SCD5: variants seen among roughly 807,000 people sequenced by gnomAD.
The protein encoded by SCD5 is stearoyl-CoA desaturase 5, also known as acyl-CoA-desaturase 4.
Under a neutral mutation model 30.4 loss-of-function variants are expected in SCD5, and 20 were observed. That is an observed-to-expected ratio of 0.66 (90% CI 0.46 to 0.96). The LOEUF is 0.96. Ranked by LOEUF, SCD5 falls within the 40% of genes least tolerant of loss-of-function variation. The pLI, the probability that SCD5 is intolerant of heterozygous loss-of-function variation, is 0.00. For synonymous variants in SCD5, 173 were observed against 176.4 expected (o/e 0.98, Z 0.16); for missense variants, 381 against 443.3 (o/e 0.86, Z 1.26).
intron 1 of SCD5, among the ~76,000 whole-genome samples, chr4:82,777,009 T>C (rs1390101495): frequency 6.6e-6 from 1 of 152,218 alleles, no homozygotes; most frequent in Non-Finnish European, 1.5e-5. Flanking sequence ...CTGAACTACA[T>C]GCTGCGCCCA....
At chr4:82,735,979 T>C (rs1001429883) in intron 1 of SCD5, among the ~76,000 whole-genome samples, 3 of 152,220 alleles carry the variant, frequency 2.0e-5, no homozygotes, top group Admixed American at 6.5e-5. Context: ...TATTTGTTTT[T>C]ATAACACACA....
intron 4 of SCD5, among the ~76,000 whole-genome samples, chr4:82,636,125 A>G: frequency 6.6e-6 from 1 of 152,164 alleles, no homozygotes; most frequent in Non-Finnish European, 1.5e-5. Context: ...CCCATTTCAC[A>G]GATAGGAAAA....
At chr4:82,794,192 C>G (rs1370833112) in intron 1 of SCD5, among the ~76,000 whole-genome samples, 1 of 152,192 alleles carries the variant, frequency 6.6e-6, no homozygotes, top group Non-Finnish European at 1.5e-5. Flanking sequence ...CCCAGCAGGG[C>G]ACCAGAGAAC....
At position 82,798,377 on chromosome 4, in the gene SCD5, C is replaced by T; in HGVS notation, c.161G>A (p.Ser54Asn). 6.2e-7 allele frequency: 1 copy of T among 1,613,440 alleles called. No homozygotes were observed. Among genetic ancestry groups the T allele is most frequent in the East Asian group, 2.2e-5 (1 of 44,832 alleles). ...NIVWRNVVLM[S>N]LLHLGAVYSL... ...GTACACGGCCCCCAAGTGGAGCAAGCTCATCAGGACGACATTCCTCCAGAC... is the reference window on the plus strand; with the variant it reads ...GTACACGGCCCCCAAGTGGAGCAAGTTCATCAGGACGACATTCCTCCAGAC... Residue 54 changes from serine (S) to asparagine (N), a missense_variant, in exon 1 of 5, where the codon AGC becomes AAC. Transcript: ENST00000319540.
chr4:82,710,612 G>GAA lies in SCD5; in HGVS notation c.233-5200_233-5199insTT, dbSNP rs1720062517. On this transcript the variant is annotated intron_variant, in intron 1 of 4. Transcript: ENST00000319540. ...CAGAGGGTGAAGGCTTCTTGGGAGAGGGTGACCCCTGGGTTGAGGAGGGGG... is the reference window on the plus strand; with the variant it reads ...CAGAGGGTGAAGGCTTCTTGGGAGAGAAGGTGACCCCTGGGTTGAGGAGGGGG... Among the ~76,000 whole-genome samples the GAA allele has an allele frequency of 6.6e-5, 10 of 152,286 alleles. No individual in the cohort carries two copies. The South Asian group carries it at 1.9e-3, about 28-fold the overall frequency.
At chr4:82,635,372 C>T (rs1727402256) in intron 4 of SCD5, among the ~76,000 whole-genome samples, 1 of 152,126 alleles carries the variant, frequency 6.6e-6, no homozygotes, top group South Asian at 2.1e-4. Flanking sequence ...GTAATCCCAG[C>T]ACTTTGGGAG....
At chr4:82,746,972 G>A (rs563413174) in intron 1 of SCD5, among the ~76,000 whole-genome samples, 3 of 147,048 alleles carry the variant, frequency 2.0e-5, no homozygotes, top group African/African-American at 5.0e-5. Flanking sequence ...GGGAGAGGAG[G>A]AACGGGGAAC....
At chr4:82,796,980 G>C (rs780840162) in intron 1 of SCD5, among the ~76,000 whole-genome samples, 7 of 152,032 alleles carry the variant, frequency 4.6e-5, no homozygotes, top group African/African-American at 9.7e-5. Context: ...AAGGCTTTAG[G>C]GATCCCCAAA....
chr4:82,636,895 GAA>G, intron 3 of SCD5, 72 bp from the exon 4 acceptor site: 1 of 1,299,106 alleles, frequency 7.7e-7, no homozygotes, highest in Non-Finnish European at 1.1e-6. Flanking sequence ...CAAGTCACAG[GAA>G]AAGTCAGAAA....
At chr4:82,747,107 C>T (rs139597900) in intron 1 of SCD5, among the ~76,000 whole-genome samples, 2 of 151,422 alleles carry the variant, frequency 1.3e-5, no homozygotes, top group African/African-American at 2.4e-5. Context: ...CCATCCCCTG[C>T]TTCTGGCTCC....
intron 1 of SCD5, among the ~76,000 whole-genome samples, chr4:82,776,904 T>C (rs374849184): frequency 2.0e-5 from 3 of 152,364 alleles, no homozygotes; most frequent in East Asian, 1.9e-4. Flanking sequence ...ATAGGTTATA[T>C]GTGTTTCTGA....
intron 3 of SCD5, among the ~76,000 whole-genome samples, chr4:82,664,999 C>CTCTCTATATATATATATATATATA (rs1219554314): frequency 1.4e-5 from 1 of 70,486 alleles, no homozygotes; most frequent in African/African-American, 7.5e-5. Flanking sequence ...CTCTCTCTCT[C>CTCTCTATATATATATATATATATA]TATATATATA....
Position 82,743,028 on chromosome 4 carries a change from A to T in SCD5, c.233-37615T>A, listed in dbSNP as rs531159591. Among the ~76,000 whole-genome samples, 3 of 152,330 alleles carry T rather than the reference A, an allele frequency of 2.0e-5. No homozygotes were observed. The East Asian group carries it at 5.8e-4, about 29-fold the overall frequency. On this transcript the variant is annotated intron_variant, in intron 1 of 4. Transcript: ENST00000319540. ...GCGTAGACAGAGAGAAGCTACAGAG[A>T]GGCTCCCACCTAGCCCCCAGCCCTT...
At chr4:82,715,424 C>A (rs10015852) in intron 1 of SCD5, among the ~76,000 whole-genome samples, 5,191 of 151,370 alleles carry the variant, frequency 0.034, 401 homozygotes, top group African/African-American at 0.12. Flanking sequence ...AACCGATGGG[C>A]TTCCTCTGGC....
At chr4:82,680,561 T>C in intron 3 of SCD5, 146 bp downstream of exon 3, 1 of 709,672 alleles carries the variant, frequency 1.4e-6, no homozygotes, top group Non-Finnish European at 2.3e-6. Flanking sequence ...AGGAAATTAA[T>C]AAATAGAGAT....
intron 1 of SCD5, among the ~76,000 whole-genome samples, chr4:82,731,621 C>T (rs968119127): frequency 2.0e-5 from 3 of 152,214 alleles, no homozygotes; most frequent in South Asian, 2.1e-4. Context: ...ACCCTTATTT[C>T]GCAGAGTATC....
intron 1 of SCD5, among the ~76,000 whole-genome samples, chr4:82,793,475 C>T (rs1227738172): frequency 2.0e-5 from 3 of 152,198 alleles, no homozygotes; most frequent in Middle Eastern, 3.2e-3. Context: ...CTCTTTGGAA[C>T]GTTGAGAAAG....
At chr4:82,738,927 C>T (rs1720810862) in intron 1 of SCD5, among the ~76,000 whole-genome samples, 1 of 152,160 alleles carries the variant, frequency 6.6e-6, no homozygotes, top group Admixed American at 6.6e-5. Flanking sequence ...CCAAGATCAC[C>T]CAGCTAGTAA....
chr4:82,684,279 T>C (rs1728648185), intron 2 of SCD5, among the ~76,000 whole-genome samples: 1 of 152,218 alleles, frequency 6.6e-6, no homozygotes, highest in Non-Finnish European at 1.5e-5. Context: ...ATGTATTTTT[T>C]AATCCTTTGT....
Sources: gnomAD v4.1 joint callset for allele counts (sites outside exome capture counted in the v4.1 genomes callset) on GRCh38, gnomAD v4.1.1 for gene constraint, MANE v1.5 for transcripts, NCBI Gene and HGNC (gene_info 2026-07-23, HGNC 2026-07-21) for gene names.